Variants in PRPF31 observed in about 807,000 individuals in gnomAD.
PRPF31 encodes pre-mRNA processing factor 31, also known as U4/U6 small nuclear ribonucleoprotein Prp31.
PRPF31 carries 12 observed loss-of-function variants against 60.4 expected under a neutral mutation model. The ratio of observed to expected loss-of-function variants is 0.20; its 90% CI spans 0.13 to 0.32. PRPF31 has a LOEUF of 0.32. Among genes scored for constraint, PRPF31 ranks in the 10% least tolerant of loss-of-function variants. The pLI is 1.00. For synonymous variants in PRPF31, 287 were observed against 287.9 expected, an observed-to-expected ratio of 1.00 and a Z score of 0.03; for missense variants, 431 against 687.1, an observed-to-expected ratio of 0.63 and a Z score of 4.17.
At chr19:54,124,972 C>G (rs2146427812) in intron 8 of PRPF31, 1 of 521,132 alleles carries the variant, frequency 1.9e-6, no homozygotes, top group Non-Finnish European at 3.5e-6. Context: ...TCAGGCCTAG[C>G]TCACGACAAG....
At position 54,131,261 on chromosome 19, in the gene PRPF31, C is replaced by T. The variant is rs587706810; in HGVS notation, c.1375-46C>T. On this transcript the variant is annotated intron_variant, in intron 13 of 13. Transcript: ENST00000321030. Reference sequence around the variant, plus strand: ...GGGCTCTGATGGGTCACAGTTGGGGCCTTCTCCTCACCTAACCCATCATCC... The same window carrying T: ...GGGCTCTGATGGGTCACAGTTGGGGTCTTCTCCTCACCTAACCCATCATCC... 2.3e-4 allele frequency: 370 copies of T among 1,611,562 alleles called. 3 individuals carry two copies. In the South Asian group the frequency reaches 3.7e-3, roughly 16 times the overall value.
chr19:54,131,551 G>C lies in PRPF31; in HGVS notation c.*119G>C. 6.8e-7 allele frequency: 1 copy of C among 1,467,240 alleles called. No homozygotes were observed. The highest frequency in any genetic ancestry group is 9.3e-7 in the Non-Finnish European group (1 of 1,072,196). The allele number at this position is 1,467,240 out of a possible 1,614,324, so 90.9% of individuals were successfully genotyped here. A position where few individuals can be genotyped will look rare whatever the true frequency, so the allele number is the denominator to read the frequency against. Reference sequence around the variant, plus strand: ...TGCCCTGCCACTGGCCCCATTGCTGGGACTGCCCAGGGAGGAGGCCTTGGA... The same window carrying C: ...TGCCCTGCCACTGGCCCCATTGCTGCGACTGCCCAGGGAGGAGGCCTTGGA... On this transcript the variant is annotated 3_prime_UTR_variant, in exon 14 of 14. Coordinates refer to ENST00000321030, the MANE Select transcript of PRPF31 (RefSeq NM_015629.4).
At chr19:54,121,388 TGTG>T (rs143964080) in intron 3 of PRPF31, among the ~76,000 whole-genome samples, 3,853 of 124,316 alleles carry the variant, frequency 0.031, 167 homozygotes, top group African/African-American at 0.11. Flanking sequence ...TAAAATGAGG[TGTG>T]GTGAGAGGAT....
At chr19:54,118,811 C>G in intron 3 of PRPF31, 178 bp downstream of exon 3, 4 of 634,306 alleles carry the variant, frequency 6.3e-6, no homozygotes, top group Non-Finnish European at 1.1e-5. Flanking sequence ...CATTGTAAAG[C>G]TCATGCTTCT....
At chr19:54,122,788 G>C (rs75137593) in intron 5 of PRPF31, 194 bp downstream of exon 5, 222 of 664,702 alleles carry the variant, frequency 3.3e-4, no homozygotes, top group Non-Finnish European at 5.2e-4. Context: ...TCCAACCCCA[G>C]TCTCCCGAGA....
At chr19:54,118,190 T>C in intron 1 of PRPF31, 81 bp from the exon 2 acceptor site, 2 of 1,599,782 alleles carry the variant, frequency 1.3e-6, no homozygotes, top group Non-Finnish European at 8.6e-7. Flanking sequence ...ACCAGGGTCT[T>C]CTGGGGGAGA....
chr19:54,121,836 A>T (rs1202809983), intron 3 of PRPF31, 24 bp from the exon 4 acceptor site: 1 of 1,595,384 alleles, frequency 6.3e-7, no homozygotes. Context: ...AGATACTCAC[A>T]CCCATGCCTC....
rs587716572 is a variant in PRPF31, at chr19:54,116,215, T to C, written c.-9+418T>C. 2.0e-5 allele frequency among the ~76,000 whole-genome samples: 3 copies of C among 149,844 alleles called. 1 individual carries two copies. In the South Asian group the frequency reaches 6.4e-4, roughly 32 times the overall value. On this transcript the variant is annotated intron_variant, in intron 1 of 13. Coordinates refer to ENST00000321030, the MANE Select transcript of PRPF31 (RefSeq NM_015629.4). ...CGCGCCTGGCCAGTTGTTTGTTTGTTTTGTCTGAGACGGAGTTTCGCTCTT... is the reference window on the plus strand; with the variant it reads ...CGCGCCTGGCCAGTTGTTTGTTTGTCTTGTCTGAGACGGAGTTTCGCTCTT...
At chr19:54,124,440 A>G in intron 7 of PRPF31, 59 bp from the exon 8 acceptor site, 1 of 1,274,290 alleles carries the variant, frequency 7.8e-7, no homozygotes, top group Non-Finnish European at 1.1e-6. Context: ...AGATTTACTC[A>G]CCCCCACCTC....
At chr19:54,119,280 G>C (rs372709245) in intron 3 of PRPF31, among the ~76,000 whole-genome samples, 1 of 151,890 alleles carries the variant, frequency 6.6e-6, no homozygotes, top group South Asian at 2.1e-4. Context: ...TACTCAGGAG[G>C]CTGAGGCGGG....
chr19:54,128,561 A>G (rs667324), intron 11 of PRPF31, among the ~76,000 whole-genome samples, 184 bp downstream of exon 11: 76,165 of 144,664 alleles, frequency 0.53, 19,602 homozygotes, highest in Admixed American at 0.58. Context: ...GACCCTCGCG[A>G]CCCTTGGAGC....
In PRPF31 at chr19:54,129,158, C is replaced by A. The variant is rs765772631; in HGVS notation, c.1248C>A (p.Thr416=). 1 of 1,583,354 alleles carries A rather than the reference C, an allele frequency of 6.3e-7. No individual in the cohort carries two copies. Among genetic ancestry groups the A allele is most frequent in the African/African-American group, 1.3e-5 (1 of 74,520 alleles). The change falls in exon 12 of 14, where the codon ACC becomes ACA. Residue 416 remains threonine, a synonymous_variant. Coordinates refer to ENST00000321030, the MANE Select transcript of PRPF31 (RefSeq NM_015629.4). ...RVRQTQVNEA[T]KARISKTLQR... Reference sequence around the variant, plus strand: ...GGCAGACACAGGTAAACGAGGCCACCAAGGCCAGGATCTCCAAGACGCTGC... The same window carrying A: ...GGCAGACACAGGTAAACGAGGCCACAAAGGCCAGGATCTCCAAGACGCTGC...
At position 54,123,842 on chromosome 19, in the gene PRPF31, T is replaced by C. The variant is rs2073854483; in HGVS notation, c.621T>C (p.Tyr207=). 3.7e-6 allele frequency: 6 copies of C among 1,613,984 alleles called. No homozygotes were observed. The highest frequency in any genetic ancestry group is 5.1e-6 in the Non-Finnish European group (6 of 1,180,022). Residue 207 remains tyrosine, a synonymous_variant, in exon 7 of 14, where the codon TAT becomes TAC. Transcript: ENST00000321030. ...LNASKHRIYE[Y]VESRMSFIAP... Reference sequence around the variant, plus strand: ...CCTCCAAGCACCGCATCTACGAGTATGTGGAGTCCCGGATGTCCTTCATCG... The same window carrying C: ...CCTCCAAGCACCGCATCTACGAGTACGTGGAGTCCCGGATGTCCTTCATCG...
In PRPF31 at chr19:54,129,382, G is replaced by A; in HGVS notation, c.1374+12G>A. ...TCACCCCACTCCAGGTACCTCCCCT[G>A]GGCCGGCTCTGTCCCCAGCCCTGAG... On this transcript the variant is annotated intron_variant, in intron 13 of 13. Coordinates refer to ENST00000321030, the MANE Select transcript of PRPF31 (RefSeq NM_015629.4). 2 of 1,582,502 alleles carry A rather than the reference G, an allele frequency of 1.3e-6. No individual in the cohort carries two copies. Among genetic ancestry groups the A allele is most frequent in the Non-Finnish European group, 1.7e-6 (2 of 1,165,802 alleles).
In PRPF31 at chr19:54,128,350, G is replaced by A; in HGVS notation, c.1119G>A (p.Lys373=). Residue 373 remains lysine, a synonymous_variant, in exon 11 of 14, where the codon AAG becomes AAA. Transcript: ENST00000321030. ...KERLGLTEIR[K]QANRMSFGEI... Reference sequence around the variant, plus strand: ...GGCTGGGGCTGACGGAGATCCGGAAGCAGGCCAACCGTATGAGCTTCGGAG... The same window carrying A: ...GGCTGGGGCTGACGGAGATCCGGAAACAGGCCAACCGTATGAGCTTCGGAG... 1 of 1,514,148 alleles carries A rather than the reference G, an allele frequency of 6.6e-7. No homozygotes were observed. The highest frequency in any genetic ancestry group is 8.9e-7 in the Non-Finnish European group (1 of 1,127,006). 93.8% of individuals were successfully genotyped at this position (1,514,148 alleles called of 1,614,324 possible).
chr19:54,122,524 A>C lies in PRPF31; in HGVS notation c.350A>C (p.Lys117Thr), dbSNP rs2073817726. The change falls in exon 5 of 14, where the codon AAG (lysine) becomes ACG (threonine). Residue 117 changes from lysine (K) to threonine (T), a missense_variant. By Grantham distance (78) the Lys-to-Thr change is moderately conservative (BLOSUM62 -1). This residue lies in a region of PRPF31 where 113 missense variants were observed against 173.8 expected (regional missense o/e 0.65). Coordinates refer to ENST00000321030, the MANE Select transcript of PRPF31 (RefSeq NM_015629.4). ...ATCATCCATAAGTTCATCCGGGATA[A>C]GTACTCAAAGAGATTCCCTGAACTG... ...LNIIHKFIRD[K>T]YSKRFPELES... 6.2e-7 allele frequency: 1 copy of C among 1,613,948 alleles called. No individual in the cohort carries two copies. Among genetic ancestry groups the C allele is most frequent in the African/African-American group, 1.3e-5 (1 of 74,946 alleles).
At chr19:54,116,488 G>A (rs1221659765) in intron 1 of PRPF31, among the ~76,000 whole-genome samples, 1 of 152,212 alleles carries the variant, frequency 6.6e-6, no homozygotes, top group East Asian at 1.9e-4. Flanking sequence ...TTACAGGCAT[G>A]AGCCACCGCT....
chr19:54,128,890 G>C (rs373170467), intron 11 of PRPF31, among the ~76,000 whole-genome samples, 167 bp from the exon 12 acceptor site: 243 of 152,318 alleles, frequency 1.6e-3, no homozygotes, highest in African/African-American at 5.7e-3. Context: ...CATCCCCCGC[G>C]TGTGTGGGCC....
intron 13 of PRPF31, 89 bp from the exon 14 acceptor site, chr19:54,131,218 C>T: frequency 6.4e-7 from 1 of 1,556,560 alleles, no homozygotes; most frequent in Non-Finnish European, 8.8e-7. Flanking sequence ...GCCTGAGTGC[C>T]ATGGGGAAGG....
Sources: gnomAD v4.1 joint callset for allele counts (sites outside exome capture counted in the v4.1 genomes callset) on GRCh38, gnomAD v4.1.1 for gene constraint, gnomAD v4.1.1 regional missense constraint, MANE v1.5 for transcripts, NCBI Gene and HGNC (gene_info 2026-07-23, HGNC 2026-07-21) for gene names.